The following FNBP1 variants were observed in gnomAD, a reference collection of about 807,000 sequenced individuals.
FNBP1 encodes formin binding protein 1.
A neutral mutation model predicts 90.6 loss-of-function variants in FNBP1; 26 were observed. The observed-to-expected ratio is 0.29, with a 90% confidence interval of 0.21 to 0.40. The LOEUF is 0.40. Among genes scored for constraint, FNBP1 ranks in the 10% least tolerant of loss-of-function variants. The pLI, the probability that FNBP1 is intolerant of heterozygous loss-of-function variation, is 1.00. For missense variants in FNBP1, 635 were observed against 768.0 expected, an observed-to-expected ratio of 0.83 and a Z score of 2.05; for synonymous variants, 260 against 265.2, an observed-to-expected ratio of 0.98 and a Z score of 0.19.
In FNBP1 at chr9:129,905,092, C is replaced by T. The variant is rs527934130; in HGVS notation, c.1296-2091G>A. On this transcript the variant is annotated intron_variant, in intron 12 of 16. Transcript: ENST00000446176. ...ATGATGTCCTTTCCGAAACCCGTCT[C>T]GTCTCTTGACTTCATGGCCCACACC... is the stretch of plus-strand genomic sequence containing the variant. 6.6e-5 allele frequency among the ~76,000 whole-genome samples: 10 copies of T among 151,812 alleles called. No homozygotes were observed. The South Asian group carries it at 1.7e-3, about 25-fold the overall frequency.
intron 5 of FNBP1, 44 bp downstream of exon 5, chr9:129,958,447 A>AC: frequency 6.6e-7 from 1 of 1,510,008 alleles, no homozygotes. Flanking sequence ...AAAAGAAAAA[A>AC]AAATCTATAA....
chr9:129,972,427 T>C (rs947137975), intron 4 of FNBP1, among the ~76,000 whole-genome samples: 10 of 152,188 alleles, frequency 6.6e-5, no homozygotes, highest in Non-Finnish European at 1.3e-4. Flanking sequence ...AGTGAGCCAC[T>C]GTGCCTGGCC....
At chr9:129,914,798 A>C (rs1224198072) in intron 11 of FNBP1, 2 of 75,534 alleles carry the variant, frequency 2.6e-5, no homozygotes, top group Admixed American at 1.6e-4. Flanking sequence ...TATATATCTC[A>C]CCATAAAATA....
chr9:129,899,797 A>AGGAAGGGGAAGG (rs149093701), intron 15 of FNBP1, among the ~76,000 whole-genome samples, 168 bp downstream of exon 15: 35 of 133,420 alleles, frequency 2.6e-4, no homozygotes, highest in African/African-American at 9.3e-4. Context: ...AAGGGAAGGA[A>AGGAAGGGGAAGG]GGAAGGGGAA....
At chr9:129,937,700 T>C (rs1588687280) in intron 6 of FNBP1, among the ~76,000 whole-genome samples, 1 of 152,058 alleles carries the variant, frequency 6.6e-6, no homozygotes, top group Non-Finnish European at 1.5e-5. Context: ...GCCACTGCAC[T>C]TCAGCCTGGT....
intron 11 of FNBP1, among the ~76,000 whole-genome samples, chr9:129,914,608 A>G (rs957948734): frequency 4.6e-5 from 7 of 151,840 alleles, no homozygotes; most frequent in Non-Finnish European, 1.0e-4. Flanking sequence ...CTTCATGTAG[A>G]GACCTTAATC....
intron 2 of FNBP1, 22 bp from the exon 3 acceptor site, chr9:129,979,396 G>A (rs1467931105): frequency 6.5e-7 from 1 of 1,540,804 alleles, no homozygotes; most frequent in Admixed American, 1.7e-5. Context: ...ATGCAGACAT[G>A]TCAGCTTTAT....
intron 4 of FNBP1, among the ~76,000 whole-genome samples, chr9:129,963,163 C>T (rs1386162029): frequency 1.3e-5 from 2 of 152,166 alleles, no homozygotes; most frequent in South Asian, 4.1e-4. Flanking sequence ...TCTATCTCTC[C>T]AGCACCTCTG....
chr9:129,988,873 G>T (rs77911317), intron 2 of FNBP1, among the ~76,000 whole-genome samples: 7 of 152,138 alleles, frequency 4.6e-5, no homozygotes, highest in Admixed American at 2.6e-4. Context: ...AAAGTCTCAC[G>T]TTTATGTCTA....
rs992752090 is a variant in FNBP1 at position 129,889,969 on chromosome 9, G to T, written c.*570C>A. ...TTGAGGGCATAGTGAAAGGGTCAAT[G>T]TTTAGTATGAGGTGCAAGCCTAGAA... On this transcript the variant is annotated 3_prime_UTR_variant, in exon 17 of 17. Transcript: ENST00000446176. The T allele has an allele frequency of 4.2e-6, 1 of 238,630 alleles. No homozygotes were observed. Among genetic ancestry groups the T allele is most frequent in the African/African-American group, 2.2e-5 (1 of 45,512 alleles). 14.8% of individuals were successfully genotyped at this position (238,630 alleles called of 1,614,324 possible). A position where few individuals can be genotyped will look rare whatever the true frequency, so the allele number is the denominator to read the frequency against.
chr9:130,046,580 C>CAAAAAAAA (rs56392821), upstream of FNBP1, among the ~76,000 whole-genome samples: 2,513 of 66,616 alleles, frequency 0.038, no homozygotes, highest in East Asian at 0.066. Flanking sequence ...ACTAAAAATA[C>CAAAAAAAA]AAAAAAAAAA....
chr9:129,892,414 C>CACACACACACA (rs762912634), intron 16 of FNBP1, among the ~76,000 whole-genome samples: 1 of 125,230 alleles, frequency 8.0e-6, no homozygotes, highest in African/African-American at 3.0e-5. Flanking sequence ...CACACACACA[C>CACACACACACA]ACAAAAAGGT....
chr9:129,976,544 G>T (rs188989366), intron 4 of FNBP1, among the ~76,000 whole-genome samples: 18 of 152,222 alleles, frequency 1.2e-4, no homozygotes, highest in Non-Finnish European at 2.5e-4. Flanking sequence ...AGTTTAGAAA[G>T]AACTAAATTG....
rs1176205167 is a variant in FNBP1 at position 129,924,848 on chromosome 9, C to A, written c.987+112G>T. Reference sequence around the variant, plus strand: ...TCAACATAAGGTAGCACACTAGCTTCTTCTTTTGCATTCTGAAACTACAGG... The same window carrying A: ...TCAACATAAGGTAGCACACTAGCTTATTCTTTTGCATTCTGAAACTACAGG... On this transcript the variant is annotated intron_variant, in intron 9 of 16. Coordinates refer to ENST00000446176, the MANE Select transcript of FNBP1 (RefSeq NM_015033.3). 5.3e-6 allele frequency: 5 copies of A among 936,070 alleles called. No homozygotes were observed. The Admixed American group carries it at 1.4e-4, about 26-fold the overall frequency. The allele number at this position is 936,070 out of a possible 1,614,324, so 58.0% of individuals were successfully genotyped here.
intron 1 of FNBP1, among the ~76,000 whole-genome samples, chr9:130,030,856 C>T (rs1424030302): frequency 6.6e-6 from 1 of 152,136 alleles, no homozygotes; most frequent in Non-Finnish European, 1.5e-5. Context: ...AATTTGCTAG[C>T]TTAAAAGAGC....
At position 129,887,880 on chromosome 9, in the gene FNBP1, A is replaced by C. The variant is rs1378663477; in HGVS notation, c.*2659T>G. On this transcript the variant is annotated 3_prime_UTR_variant, in exon 17 of 17. Coordinates refer to ENST00000446176, the MANE Select transcript of FNBP1 (RefSeq NM_015033.3). ...ACGTTCACGGGAAATTCCACATTCT[A>C]CTCTATGTGAACTGCTCCAGAAAAA... 1 of 231,306 alleles carries C rather than the reference A, an allele frequency of 4.3e-6. No individual in the cohort carries two copies. Among genetic ancestry groups the C allele is most frequent in the African/African-American group, 2.2e-5 (1 of 45,206 alleles). 14.3% of individuals were successfully genotyped at this position (231,306 alleles called of 1,614,324 possible).
intron 5 of FNBP1, 105 bp downstream of exon 5, chr9:129,958,386 C>T (rs555043208): frequency 4.2e-4 from 332 of 781,760 alleles, no homozygotes; most frequent in Non-Finnish European, 5.5e-4. Context: ...GAGCCGAGAT[C>T]GCACCATTGC....
chr9:129,992,550 T>C (rs1028308668), intron 2 of FNBP1, among the ~76,000 whole-genome samples: 118 of 3,024 alleles, frequency 0.039, no homozygotes, highest in African/African-American at 0.066. Context: ...CACATAGCTC[T>C]TTTTTTTTTT....
chr9:129,999,571 C>T (rs903920274), intron 1 of FNBP1, among the ~76,000 whole-genome samples: 43 of 151,128 alleles, frequency 2.8e-4, no homozygotes, highest in African/African-American at 1.0e-3. Flanking sequence ...GCACTCCAGC[C>T]TGGGGCGACA....
Sources: allele counts gnomAD v4.1 joint callset (sites outside exome capture counted in the v4.1 genomes callset), GRCh38; gene constraint gnomAD v4.1.1; transcripts MANE v1.5; gene names NCBI Gene and HGNC (gene_info 2026-07-23, HGNC 2026-07-21).